The following PRH1 variants were observed in gnomAD, a reference collection of about 807,000 sequenced individuals.
PRH1 encodes the protein salivary acidic proline-rich phosphoprotein 1/2.
PRH1 carries 7 observed loss-of-function variants against 7.9 expected under a neutral mutation model. That is an observed-to-expected ratio of 0.89 (90% CI 0.50 to 1.67). The LOEUF (loss-of-function observed/expected upper bound fraction) is 1.67. Among genes scored for constraint, PRH1 ranks in the 40% most tolerant of loss-of-function variants. The pLI, the probability that PRH1 is intolerant of heterozygous loss-of-function variation, is 0.00. For synonymous variants in PRH1, 45 were observed against 80.8 expected (o/e 0.56, Z 2.38); for missense variants, 109 against 223.6 (o/e 0.49, Z 3.27).
intron 2 of PRH1, chr12:10,965,479 C>G (rs1938458399): frequency 5.3e-6 from 2 of 377,696 alleles, no homozygotes; most frequent in Admixed American, 4.0e-5. Flanking sequence ...TTTTTACTTT[C>G]AAATACTGTG....
intron 2 of PRH1, among the ~76,000 whole-genome samples, chr12:10,925,452 G>A (rs1293041835): frequency 1.3e-5 from 2 of 152,112 alleles, no homozygotes; most frequent in East Asian, 1.9e-4. Flanking sequence ...CATTTCAAAG[G>A]ACAGGCTCAA....
At chr12:11,005,550 C>A (rs1345373177) in intron 1 of PRH1, among the ~76,000 whole-genome samples, 2 of 152,020 alleles carry the variant, frequency 1.3e-5, no homozygotes, top group Non-Finnish European at 2.9e-5. Flanking sequence ...TTGGAAAGTG[C>A]AAAAAGGCCA....
chr12:11,066,829 G>T (rs1196678889), intron 1 of PRH1, among the ~76,000 whole-genome samples: 1 of 151,690 alleles, frequency 6.6e-6, no homozygotes, highest in East Asian at 1.9e-4. Flanking sequence ...TCATGTGGTA[G>T]TTCATCAAGA....
chr12:11,033,302 G>C (rs1320952465), intron 1 of PRH1, among the ~76,000 whole-genome samples: 1 of 152,060 alleles, frequency 6.6e-6, no homozygotes, highest in Non-Finnish European at 1.5e-5. Context: ...GGGAGGCGGA[G>C]GTTGCAGTGA....
chr12:10,909,188 A>G, intron 2 of PRH1: 2 of 1,613,930 alleles, frequency 1.2e-6, no homozygotes, highest in Non-Finnish European at 1.7e-6. Context: ...GCTCTCTTTT[A>G]CTGACCCAGT....
At chr12:10,963,353 A>C (rs186265031) in intron 2 of PRH1, among the ~76,000 whole-genome samples, 1 of 152,328 alleles carries the variant, frequency 6.6e-6, no homozygotes, top group Admixed American at 6.5e-5. Context: ...CCTATCATCA[A>C]TACATAGATG....
chr12:11,128,578 C>T (rs537855462), intron 1 of PRH1, among the ~76,000 whole-genome samples: 44 of 152,220 alleles, frequency 2.9e-4, no homozygotes, highest in Admixed American at 2.7e-3. Flanking sequence ...AACCCTGTCT[C>T]CACTAAAAAT....
At position 10,930,362 on chromosome 12, in the gene PRH1, C is replaced by G. The variant is rs77915128; in HGVS notation, c.-59+43293G>C. On this transcript the variant is annotated intron_variant, in intron 2 of 3. Coordinates refer to the PRH1 transcript ENST00000539853. ...CTCCATTTTTCCCTGAAAAATTGATCAGTTCTCCAGTGTCTTCTTATCATC... is the reference window on the plus strand; with the variant it reads ...CTCCATTTTTCCCTGAAAAATTGATGAGTTCTCCAGTGTCTTCTTATCATC... 130 of 1,565,290 alleles carry G rather than the reference C, an allele frequency of 8.3e-5. 1 individual carries two copies. The highest frequency in any genetic ancestry group is 2.0e-4 in the South Asian group (18 of 90,002).
upstream of PRH1, chr12:11,171,571 A>T: frequency 2.4e-6 from 3 of 1,231,878 alleles, no homozygotes; most frequent in Non-Finnish European, 3.0e-6. Context: ...TAGAGCCATG[A>T]CTAAGCTAAC....
intron 2 of PRH1, chr12:10,929,327 C>A (rs1130403): frequency 6.2e-7 from 1 of 1,614,044 alleles, no homozygotes; most frequent in Non-Finnish European, 8.5e-7. Flanking sequence ...CAGCTCAGGA[C>A]TTAGATGAAG....
At chr12:10,999,226 C>T (rs983695259) in intron 1 of PRH1, among the ~76,000 whole-genome samples, 5 of 152,166 alleles carry the variant, frequency 3.3e-5, no homozygotes, top group East Asian at 3.9e-4. Context: ...GAAATATGTG[C>T]GCCCTTGTTG....
At chr12:10,992,210 T>A (rs1468542583) in intron 1 of PRH1, among the ~76,000 whole-genome samples, 1 of 152,070 alleles carries the variant, frequency 6.6e-6, no homozygotes, top group African/African-American at 2.4e-5. Context: ...ATTCAGGAAA[T>A]ATTCACTTGA....
intron 1 of PRH1, among the ~76,000 whole-genome samples, chr12:11,031,668 T>C (rs924367012): frequency 9.2e-5 from 14 of 152,308 alleles, no homozygotes; most frequent in Non-Finnish European, 1.8e-4. Flanking sequence ...CTCCCTGCCA[T>C]TGGCTACTTT....
At chr12:10,965,139 T>G in intron 2 of PRH1, 2 of 1,428,792 alleles carry the variant, frequency 1.4e-6, no homozygotes, top group South Asian at 2.3e-5. Context: ...GAACCTGGAT[T>G]CAAAACAGTT....
At chr12:11,150,158 A>C (rs955972605) in intron 1 of PRH1, among the ~76,000 whole-genome samples, 3 of 151,926 alleles carry the variant, frequency 2.0e-5, no homozygotes, top group African/African-American at 7.2e-5. Context: ...ATCACTAAAA[A>C]GTCAGGAAAC....
intron 2 of PRH1, chr12:10,965,502 C>G: frequency 2.9e-6 from 1 of 339,508 alleles, no homozygotes; most frequent in Non-Finnish European, 5.6e-6. Flanking sequence ...CAGTGTCAAA[C>G]AAGAAAGTAG....
At chr12:10,988,173 C>G (rs1458040813) in intron 1 of PRH1, among the ~76,000 whole-genome samples, 3 of 152,036 alleles carry the variant, frequency 2.0e-5, no homozygotes, top group Non-Finnish European at 2.9e-5. Context: ...TCCACCAAAC[C>G]CAGCTTAGAA....
chr12:11,107,463 A>C (rs1287693999), intron 1 of PRH1, among the ~76,000 whole-genome samples: 1 of 152,230 alleles, frequency 6.6e-6, no homozygotes, highest in Admixed American at 6.5e-5. Flanking sequence ...GCACAGGGAG[A>C]GTCTTTATAG....
chr12:11,118,197 A>C (rs1945785644), downstream of PRH1, among the ~76,000 whole-genome samples: 1 of 152,188 alleles, frequency 6.6e-6, no homozygotes, highest in South Asian at 2.1e-4. Flanking sequence ...CAGAATATAA[A>C]AGGAGCTTAA....
Sources: allele counts gnomAD v4.1 joint callset (sites outside exome capture counted in the v4.1 genomes callset), GRCh38; gene constraint gnomAD v4.1.1; transcripts MANE v1.5; gene names NCBI Gene and HGNC (gene_info 2026-07-23, HGNC 2026-07-21).